Variants in ATP2C1 observed in about 807,000 individuals in gnomAD.
ATP2C1 encodes the protein ATPase secretory pathway Ca2+ transporting 1, also known as calcium-transporting ATPase type 2C member 1.
In ATP2C1, 31 loss-of-function variants were observed where a neutral mutation model predicts 120.5. That is an observed-to-expected ratio of 0.26 (90% CI 0.19 to 0.35). The LOEUF (loss-of-function observed/expected upper bound fraction) is 0.35. ATP2C1 is among the 10% of genes least tolerant of loss of function. The pLI is 1.00. For missense variants in ATP2C1, 731 were observed against 1,107.5 expected (o/e 0.66, Z 4.83); for synonymous variants, 351 against 358.7 (o/e 0.98, Z 0.24).
At chr3:130,993,216 A>G (rs1389011072) in intron 21 of ATP2C1, among the ~76,000 whole-genome samples, 2 of 152,216 alleles carry the variant, frequency 1.3e-5, no homozygotes, top group African/African-American at 2.4e-5. Context: ...GTATCTGCAA[A>G]TACAGCCTTC....
At position 130,894,743 on chromosome 3, in the gene ATP2C1, T is replaced by G; in HGVS notation, c.-27T>G. ...GCTGACACTAAAGACTTTGTAGCCA[T>G]CAACCCGAGTGCAGTTTCGATGGAA... On this transcript the variant is annotated 5_prime_UTR_variant, in exon 2 of 28. Transcript: ENST00000510168. The surrounding 1 kb of genome is among the most constrained non-coding windows in gnomAD (Gnocchi z 4.5). 1 of 1,614,192 alleles carries G rather than the reference T, an allele frequency of 6.2e-7. No individual in the cohort carries two copies. The highest frequency in any genetic ancestry group is 8.5e-7 in the Non-Finnish European group (1 of 1,180,030).
intron 1 of ATP2C1, among the ~76,000 whole-genome samples, chr3:130,867,827 A>C (rs2068242551): frequency 8.1e-6 from 1 of 122,980 alleles, no homozygotes; most frequent in Admixed American, 8.0e-5. Flanking sequence ...CCCGGCCGCC[A>C]TCCCATCTAG....
chr3:130,914,767 A>G (rs974357343), intron 2 of ATP2C1, among the ~76,000 whole-genome samples: 4 of 152,308 alleles, frequency 2.6e-5, no homozygotes, highest in East Asian at 1.9e-4. Context: ...AACTTGCTTG[A>G]CTAAGATTTT....
At chr3:130,855,074 C>T (rs945210579) in intron 1 of ATP2C1, among the ~76,000 whole-genome samples, 2 of 152,160 alleles carry the variant, frequency 1.3e-5, no homozygotes, top group Non-Finnish European at 2.9e-5. Flanking sequence ...CTTCCTAATC[C>T]TTTAGTAAGA....
intron 2 of ATP2C1, among the ~76,000 whole-genome samples, chr3:130,924,927 GTTT>G (rs1321577649): frequency 1.3e-5 from 2 of 151,620 alleles, no homozygotes; most frequent in Non-Finnish European, 2.9e-5. Context: ...AGTTGTGGTT[GTTT>G]TTTATTTATG....
intron 5 of ATP2C1, 57 bp downstream of exon 5, chr3:130,934,768 G>A (rs1428201636): frequency 1.6e-6 from 2 of 1,236,112 alleles, no homozygotes; most frequent in Non-Finnish European, 2.3e-6. Context: ...ATTGGGATTG[G>A]TTTTTATTTT....
chr3:131,006,635 TTGTGTG>T (rs3073260), downstream of ATP2C1, among the ~76,000 whole-genome samples: 8,951 of 147,110 alleles, frequency 0.061, 472 homozygotes, highest in African/African-American at 0.15. Context: ...TAGTGTGTGT[TTGTGTG>T]TGTGTGTGTG....
In ATP2C1 at chr3:130,979,244, C is replaced by T. The variant is rs754844087; in HGVS notation, c.1571-5C>T. 1 of 1,613,024 alleles carries T rather than the reference C, an allele frequency of 6.2e-7. No individual in the cohort carries two copies. Among genetic ancestry groups the T allele is most frequent in the Non-Finnish European group, 8.5e-7 (1 of 1,179,470 alleles). ...GTTGTTGTTTGGATTTTATTATTTCCTAAGTTCTTGCTTTGGCTTCTGGTC... is the reference window on the plus strand; with the variant it reads ...GTTGTTGTTTGGATTTTATTATTTCTTAAGTTCTTGCTTTGGCTTCTGGTC... On this transcript the variant is annotated splice_region_variant and splice_polypyrimidine_tract_variant and intron_variant, in intron 18 of 27. Transcript: ENST00000510168.
rs2069466842 is a variant in ATP2C1 at position 130,894,983 on chromosome 3, T to A, written c.6+208T>A. On this transcript the variant is annotated intron_variant, in intron 2 of 27. Transcript: ENST00000510168. This position sits in a 1 kb window ranked among gnomAD's most constrained non-coding sequence, Gnocchi z 4.5. Reference sequence around the variant, plus strand: ...GAGAGATTGAGGTTCTGTGGGTGACTGAGCTTGATTCAGCTTTCTTGAGGA... The same window carrying A: ...GAGAGATTGAGGTTCTGTGGGTGACAGAGCTTGATTCAGCTTTCTTGAGGA... Among the ~76,000 whole-genome samples, 1 of 152,222 alleles carries A rather than the reference T, an allele frequency of 6.6e-6. No individual in the cohort carries two copies. The highest frequency in any genetic ancestry group is 1.5e-5 in the Non-Finnish European group (1 of 68,038).
intron 17 of ATP2C1, among the ~76,000 whole-genome samples, chr3:130,973,429 C>T (rs959511949): frequency 3.3e-5 from 5 of 152,100 alleles, no homozygotes; most frequent in East Asian, 1.9e-4. Context: ...CTTAGCCCAG[C>T]GGGATACATT....
intron 1 of ATP2C1, among the ~76,000 whole-genome samples, chr3:130,857,754 G>A (rs1045188627): frequency 1.3e-5 from 2 of 152,140 alleles, no homozygotes; most frequent in Non-Finnish European, 2.9e-5. Context: ...GTGTTAGTTA[G>A]GGTTCTCTAA....
intron 19 of ATP2C1, among the ~76,000 whole-genome samples, chr3:130,979,874 A>T (rs1296470280): frequency 2.0e-5 from 3 of 152,198 alleles, no homozygotes; most frequent in Non-Finnish European, 4.4e-5. Context: ...TTACCGTAAG[A>T]AGTAGAATAA....
At chr3:130,960,757 G>C (rs1468054130) in intron 12 of ATP2C1, among the ~76,000 whole-genome samples, 1 of 152,118 alleles carries the variant, frequency 6.6e-6, no homozygotes, top group African/African-American at 2.4e-5. Flanking sequence ...TGTAAATTGG[G>C]CCTAGCCAAA....
rs750417120 is a variant in ATP2C1 at position 130,975,464 on chromosome 3, C to T, written c.1546C>T (p.Arg516Cys). The T allele has an allele frequency of 2.0e-5, 32 of 1,613,666 alleles. No individual in the cohort carries two copies. Among genetic ancestry groups the T allele is most frequent in the Admixed American group, 8.3e-5 (5 of 59,956 alleles). Residue 516 changes from arginine to cysteine, a missense_variant, in exon 18 of 28, where the codon CGC becomes TGC. Arg to Cys is a radical substitution (Grantham distance 180). Around this residue, in one of 3 missense-constraint regions of ATP2C1, gnomAD observed 571 missense variants for 845.9 expected, o/e 0.67. Transcript: ENST00000510168. ...QRDVYQQEKA[R>C]MGSAGLRVLA... ...AGATGTGTACCAACAAGAGAAGGCA[C>T]GCATGGGCTCAGCGGGACTCAGAGG...
intron 19 of ATP2C1, among the ~76,000 whole-genome samples, chr3:130,980,084 A>G (rs1028621202): frequency 2.6e-5 from 4 of 152,122 alleles, no homozygotes; most frequent in African/African-American, 4.8e-5. Context: ...GTTTATTTTC[A>G]TTTATGTATA....
intron 2 of ATP2C1, among the ~76,000 whole-genome samples, chr3:130,895,313 T>A (rs1476106351): frequency 1.3e-5 from 2 of 152,370 alleles, no homozygotes; most frequent in Admixed American, 6.5e-5. Context: ...GTGCTTTTCT[T>A]AAAGTTCCAC....
intron 26 of ATP2C1, chr3:131,014,369 C>G: frequency 1.2e-6 from 2 of 1,602,492 alleles, no homozygotes; most frequent in Non-Finnish European, 1.7e-6. Flanking sequence ...GTCCGTGCAC[C>G]AGGCTTCCAC....
At chr3:130,937,542 G>A (rs545055970) in intron 6 of ATP2C1, 79 bp downstream of exon 6, 61 of 1,175,726 alleles carry the variant, frequency 5.2e-5, no homozygotes, top group Non-Finnish European at 7.3e-5. Context: ...AGAACCTACC[G>A]TTATTGGGGG....
intron 1 of ATP2C1, among the ~76,000 whole-genome samples, chr3:130,863,852 C>T (rs956680166): frequency 2.0e-5 from 3 of 152,160 alleles, no homozygotes; most frequent in Non-Finnish European, 2.9e-5. Context: ...CCAAGGTCTC[C>T]CTAGTCATGT....
Sources: gnomAD v4.1 joint callset for allele counts (sites outside exome capture counted in the v4.1 genomes callset) on GRCh38, gnomAD v4.1.1 for gene constraint, gnomAD v4.1.1 regional missense constraint, Gnocchi (gnomAD v3.1) non-coding constraint, MANE v1.5 for transcripts, NCBI Gene and HGNC (gene_info 2026-07-23, HGNC 2026-07-21) for gene names.